ZC3H12C: variants seen among roughly 807,000 people sequenced by gnomAD.
The protein encoded by ZC3H12C is probable ribonuclease ZC3H12C.
In ZC3H12C, 20 loss-of-function variants were observed where a neutral mutation model predicts 76.3. That is an observed-to-expected ratio of 0.26 (90% CI 0.18 to 0.38). The LOEUF is 0.38. ZC3H12C is among the 10% of genes least tolerant of loss of function. ZC3H12C has a pLI of 1.00. For missense variants in ZC3H12C, 874 were observed against 1,086.5 expected (o/e 0.80, Z 2.75); for synonymous variants, 352 against 399.6 (o/e 0.88, Z 1.42).
intron 1 of ZC3H12C, among the ~76,000 whole-genome samples, chr11:110,099,439 G>A (rs1377255047): frequency 6.6e-6 from 1 of 151,988 alleles, no homozygotes; most frequent in Non-Finnish European, 1.5e-5. Flanking sequence ...TCATTTTAAT[G>A]CTGACTTTTC....
chr11:110,108,836 CCTT>C (rs1482407165), intron 1 of ZC3H12C, among the ~76,000 whole-genome samples: 20 of 152,314 alleles, frequency 1.3e-4, no homozygotes, highest in Non-Finnish European at 2.1e-4. Context: ...AATGTTACTA[CCTT>C]CTTCTCAGCC....
chr11:110,159,628 T>A, intron 4 of ZC3H12C, 138 bp downstream of exon 4: 2 of 740,886 alleles, frequency 2.7e-6, no homozygotes, highest in Non-Finnish European at 4.3e-6. Flanking sequence ...CCACTGATCC[T>A]CAGTGGGAGT....
intron 2 of ZC3H12C, 44 bp downstream of exon 2, chr11:110,137,458 T>C: frequency 6.6e-7 from 1 of 1,521,550 alleles, no homozygotes; most frequent in Non-Finnish European, 8.8e-7. Context: ...CAAATAATCT[T>C]TAAAAGCCTT....
At position 110,165,568 on chromosome 11, in the gene ZC3H12C, C is replaced by A. The variant is rs1288959860; in HGVS notation, c.2483C>A (p.Pro828Gln). 6.2e-7 allele frequency: 1 copy of A among 1,612,686 alleles called. No individual in the cohort carries two copies. Among genetic ancestry groups the A allele is most frequent in the Non-Finnish European group, 8.5e-7 (1 of 1,179,372 alleles). ...TGGCGGATCCCATACTGTGGAATGC[C>A]GCAAGATCCCCCGAGGTATCAAGAC... ...PAWRIPYCGM[P>Q]QDPPRYQDNR... Residue 828 changes from proline to glutamine, a missense_variant, in exon 6 of 6, where the codon CCG (proline) becomes CAG (glutamine). Pro to Gln is a moderately conservative substitution (Grantham distance 76). Coordinates refer to ENST00000278590, the MANE Select transcript of ZC3H12C (RefSeq NM_033390.2).
At chr11:110,155,785 T>C (rs1185067634) in intron 3 of ZC3H12C, among the ~76,000 whole-genome samples, 3 of 152,110 alleles carry the variant, frequency 2.0e-5, no homozygotes, top group Non-Finnish European at 4.4e-5. Flanking sequence ...TATACCAAAC[T>C]GTTAAGAGTA....
In ZC3H12C at chr11:110,136,885, G is replaced by A. The variant is rs1475266598; in HGVS notation, c.244G>A (p.Glu82Lys). 5.6e-6 allele frequency: 9 copies of A among 1,613,702 alleles called. No homozygotes were observed. Among genetic ancestry groups the A allele is most frequent in the Non-Finnish European group, 7.6e-6 (9 of 1,179,850 alleles). The change falls in exon 2 of 6, where the codon GAA (glutamate) becomes AAA (lysine). Residue 82 changes from glutamate (E) to lysine (K), a missense_variant. Physicochemically the swap from Glu to Lys is moderately conservative, Grantham distance 56 (BLOSUM62 1). Transcript: ENST00000278590. The stretch of plus-strand genomic sequence containing the variant: ...GGGGAAGGATGAAAAAGAGGCGTCT[G>A]AAGAGAATGCAAGCTCTGGTGACTC... Reference protein sequence around the residue: ...NVGKDEKEASEENASSGDSEE... With the variant: ...NVGKDEKEASKENASSGDSEE...
At chr11:110,114,565 T>C (rs745494009) in intron 1 of ZC3H12C, among the ~76,000 whole-genome samples, 1 of 152,250 alleles carries the variant, frequency 6.6e-6, no homozygotes, top group Non-Finnish European at 1.5e-5. Context: ...AATTAATTCA[T>C]TGGATACTGG....
intron 1 of ZC3H12C, chr11:110,131,049 AAGG>A: frequency 1.3e-6 from 2 of 1,535,858 alleles, no homozygotes; most frequent in East Asian, 4.9e-5. Context: ...AAATTGTGTT[AAGG>A]AGTTTACTGC....
chr11:110,155,709 C>CAT (rs775702159), intron 3 of ZC3H12C, among the ~76,000 whole-genome samples: 45 of 151,900 alleles, frequency 3.0e-4, no homozygotes, highest in South Asian at 1.7e-3. Context: ...CACAGGCATA[C>CAT]ATATATATAT....
chr11:110,100,605 TTTTTA>T (rs1200264551), intron 1 of ZC3H12C, among the ~76,000 whole-genome samples: 8 of 152,330 alleles, frequency 5.3e-5, no homozygotes, highest in Admixed American at 4.6e-4. Context: ...AACTTTTTCA[TTTTTA>T]TTTTATCTGT....
chr11:110,148,669 A>G (rs972082013), intron 2 of ZC3H12C, among the ~76,000 whole-genome samples: 1 of 152,248 alleles, frequency 6.6e-6, no homozygotes, highest in Non-Finnish European at 1.5e-5. Flanking sequence ...TAAAAAAGTA[A>G]TCAAGGCCCA....
At chr11:110,163,518 G>A (rs1018040381) in intron 5 of ZC3H12C, 139 bp downstream of exon 5, 12 of 592,746 alleles carry the variant, frequency 2.0e-5, no homozygotes, top group Admixed American at 1.1e-4. Context: ...TTCAGAAAAC[G>A]TCTTAGCCAT....
In ZC3H12C at chr11:110,117,778, C is replaced by T. The variant is rs567803703; in HGVS notation, c.22-18885C>T. 2.8e-3 allele frequency among the ~76,000 whole-genome samples: 371 copies of T among 133,772 alleles called. 12 individuals carry two copies. Among genetic ancestry groups the T allele is most frequent in the African/African-American group, 9.9e-3 (346 of 34,808 alleles). The allele number at this position is 133,772 out of a possible 152,430, so 87.8% of individuals were successfully genotyped here. On this transcript the variant is annotated intron_variant, in intron 1 of 5. Coordinates refer to ENST00000278590, the MANE Select transcript of ZC3H12C (RefSeq NM_033390.2). Reference sequence around the variant, plus strand: ...ATATATACACACACACATATATATACACACACACATATATATATTATATAT... The same window carrying T: ...ATATATACACACACACATATATATATACACACACATATATATATTATATAT...
At chr11:110,144,663 A>G (rs1230346612) in intron 2 of ZC3H12C, among the ~76,000 whole-genome samples, 1 of 152,222 alleles carries the variant, frequency 6.6e-6, no homozygotes, top group Non-Finnish European at 1.5e-5. Flanking sequence ...AGAAATAAAG[A>G]TCACCTGTAA....
chr11:110,121,951 C>A (rs1253701264), intron 1 of ZC3H12C, among the ~76,000 whole-genome samples: 1 of 152,116 alleles, frequency 6.6e-6, no homozygotes, highest in African/African-American at 2.4e-5. Context: ...TAAAAACAGA[C>A]CTAAACACAT....
At chr11:110,120,419 T>A (rs1028794337) in intron 1 of ZC3H12C, among the ~76,000 whole-genome samples, 1 of 152,136 alleles carries the variant, frequency 6.6e-6, no homozygotes, top group African/African-American at 2.4e-5. Context: ...GGACAGCATT[T>A]TGGCTACGCT....
chr11:110,093,889 G>A (rs1265116202), intron 1 of ZC3H12C, among the ~76,000 whole-genome samples: 1 of 152,056 alleles, frequency 6.6e-6, no homozygotes, highest in Admixed American at 6.5e-5. Context: ...TCCAGCCCTG[G>A]CCATTCGCTT....
chr11:110,123,003 T>C (rs1861677188), intron 1 of ZC3H12C, among the ~76,000 whole-genome samples: 2 of 152,218 alleles, frequency 1.3e-5, no homozygotes, highest in Non-Finnish European at 2.9e-5. Context: ...GGGCAGTAGA[T>C]TTTCTTATAC....
chr11:110,131,964 A>G (rs536361956), intron 1 of ZC3H12C, among the ~76,000 whole-genome samples: 13 of 152,212 alleles, frequency 8.5e-5, no homozygotes, highest in Non-Finnish European at 1.9e-4. Flanking sequence ...GTTCAAAGGG[A>G]CATCCCTCCT....
Sources: allele counts gnomAD v4.1 joint callset (sites outside exome capture counted in the v4.1 genomes callset), GRCh38; gene constraint gnomAD v4.1.1; transcripts MANE v1.5; gene names NCBI Gene and HGNC (gene_info 2026-07-23, HGNC 2026-07-21).